The following HPS5 variants were observed in gnomAD, a reference collection of about 807,000 sequenced individuals.
The protein encoded by HPS5 is HPS5 biogenesis of lysosomal organelles complex 2 subunit 2.
Under a neutral mutation model 128.0 loss-of-function variants are expected in HPS5, and 83 were observed. The ratio of observed to expected loss-of-function variants is 0.65; its 90% CI spans 0.54 to 0.78. HPS5 has a LOEUF of 0.78. Ranked by LOEUF, HPS5 falls within the 30% of genes least tolerant of loss-of-function variation. The pLI is 0.00. For missense variants in HPS5, 1,281 were observed against 1,326.2 expected, an observed-to-expected ratio of 0.97 and a Z score of 0.53; for synonymous variants, 475 against 470.2, an observed-to-expected ratio of 1.01 and a Z score of -0.13.
chr11:18,311,535 G>C, intron 3 of HPS5, 84 bp from the exon 4 acceptor site: 1 of 588,272 alleles, frequency 1.7e-6, no homozygotes, highest in Non-Finnish European at 2.5e-6. Context: ...TTTTGAGACT[G>C]AGTCTCGCTC....
intron 21 of HPS5, among the ~76,000 whole-genome samples, chr11:18,282,587 C>T (rs73430841): frequency 0.019 from 2,915 of 152,058 alleles, 106 homozygotes; most frequent in African/African-American, 0.067. Context: ...ATTCTTTCAA[C>T]CACTCAGTAA....
At position 18,296,832 on chromosome 11, in the gene HPS5, C is replaced by T. The variant is rs114305629; in HGVS notation, c.1476G>A (p.Leu492=). 4.8e-4 allele frequency: 774 copies of T among 1,614,126 alleles called. 3 individuals are homozygous for T. In the African/African-American group the frequency reaches 9.2e-3, roughly 19 times the overall value. ...KEFTSQQEED[L]PDQCCGSHGN... ...CGTGTGAGCCACAACACTGATCTGG[C>T]AGGTCCTCTTCCTGCTGTGAGGTGA... The change falls in exon 12 of 23, where the codon CTG becomes CTA. Residue 492 remains leucine, a synonymous_variant. Transcript: ENST00000349215.
At chr11:18,296,202 T>C (rs1296108679) in intron 12 of HPS5, 80 bp from the exon 13 acceptor site, 5 of 1,437,544 alleles carry the variant, frequency 3.5e-6, no homozygotes, top group Non-Finnish European at 4.8e-6. Flanking sequence ...AATTCTGAAA[T>C]GAATAAACCG....
chr11:18,311,477 T>C (rs1463164929), intron 3 of HPS5, 26 bp from the exon 4 acceptor site: 2 of 1,423,856 alleles, frequency 1.4e-6, no homozygotes, highest in Non-Finnish European at 9.7e-7. Context: ...AAATACATTT[T>C]TTAAATCTCA....
intron 22 of HPS5, among the ~76,000 whole-genome samples, chr11:18,281,342 C>T (rs1017033704): frequency 3.3e-5 from 5 of 151,756 alleles, no homozygotes; most frequent in African/African-American, 1.2e-4. Context: ...TATCCACCTG[C>T]CTCAGCCTCC....
chr11:18,297,633 G>A lies in HPS5; in HGVS notation c.1249C>T (p.Leu417=), dbSNP rs7128017. The change falls in exon 11 of 23, where the codon CTG becomes TTG. Residue 417 remains leucine, a synonymous_variant. Transcript: ENST00000349215. The part of the protein sequence containing the change: ...HGTYNDLISQ[L]EELILKFEPL... ...TCAAATTTTAAGATCAATTCTTCCA[G>A]TTGAGAAATTAGATCATTGTAGGTG... 1.2e-6 allele frequency: 2 copies of A among 1,613,622 alleles called. No individual in the cohort carries two copies. Among genetic ancestry groups the A allele is most frequent in the South Asian group, 2.2e-5 (2 of 91,082 alleles).
At chr11:18,294,480 C>G (rs1478594435) in intron 14 of HPS5, among the ~76,000 whole-genome samples, 1 of 152,070 alleles carries the variant, frequency 6.6e-6, no homozygotes, top group East Asian at 1.9e-4. Flanking sequence ...GGTCTAGATC[C>G]TTGGTCATCC....
chr11:18,286,847 A>G (rs1052182124), intron 18 of HPS5, 137 bp from the exon 19 acceptor site: 2 of 1,128,846 alleles, frequency 1.8e-6, no homozygotes, highest in Non-Finnish European at 2.6e-6. Context: ...CTGCTACAAA[A>G]TGTCTAGAAA....
At chr11:18,282,431 CTT>C (rs200407814) in intron 21 of HPS5, among the ~76,000 whole-genome samples, 2 of 145,496 alleles carry the variant, frequency 1.4e-5, no homozygotes, top group East Asian at 2.0e-4. Context: ...TAATTTTTTT[CTT>C]TTTTTTTTTT....
intron 6 of HPS5, among the ~76,000 whole-genome samples, chr11:18,307,922 C>T (rs1406963732): frequency 6.6e-6 from 1 of 152,158 alleles, no homozygotes; most frequent in Non-Finnish European, 1.5e-5. Flanking sequence ...ATACTGTCAT[C>T]CAACTTTAGT....
intron 2 of HPS5, chr11:18,314,471 G>T (rs1179629370): frequency 1.3e-5 from 2 of 152,266 alleles, no homozygotes; most frequent in Non-Finnish European, 2.9e-5. Flanking sequence ...AGAGTTTGCA[G>T]AGAGCTGAGA....
At chr11:18,296,326 T>TCA (rs1244506320) in intron 12 of HPS5, 1 of 586,824 alleles carries the variant, frequency 1.7e-6, no homozygotes, top group African/African-American at 1.9e-5. Context: ...GCAGGTACCT[T>TCA]CATTTGCCTA....
intron 1 of HPS5, among the ~76,000 whole-genome samples, chr11:18,319,350 GA>G (rs951487641): frequency 2.6e-5 from 4 of 151,092 alleles, no homozygotes; most frequent in Admixed American, 6.6e-5. Context: ...AGGACAGAGG[GA>G]TCACATTGAA....
At chr11:18,280,026 G>T in intron 22 of HPS5, 84 bp from the exon 23 acceptor site, 2 of 1,397,752 alleles carry the variant, frequency 1.4e-6, no homozygotes, top group Non-Finnish European at 2.0e-6. Flanking sequence ...CAGAGTTTCA[G>T]AGGATTCAAA....
chr11:18,313,467 CA>C (rs1273628221), intron 2 of HPS5, among the ~76,000 whole-genome samples: 1 of 152,176 alleles, frequency 6.6e-6, no homozygotes, highest in African/African-American at 2.4e-5. Flanking sequence ...TTTTGCTAAA[CA>C]ACTCAGAATC....
chr11:18,297,725 A>G lies in HPS5; in HGVS notation c.1165-8T>C. Reference sequence around the variant, plus strand: ...AGTCAAAGTTTTTCTTGCCTAATAAAACAACAGCGCAATGGAATAGCTATT... The same window carrying G: ...AGTCAAAGTTTTTCTTGCCTAATAAGACAACAGCGCAATGGAATAGCTATT... On this transcript the variant is annotated splice_polypyrimidine_tract_variant and splice_region_variant and intron_variant, in intron 10 of 22. Coordinates refer to ENST00000349215, the MANE Select transcript of HPS5 (RefSeq NM_181507.2). The G allele has an allele frequency of 6.2e-7, 1 of 1,612,870 alleles. No individual in the cohort carries two copies.
At chr11:18,307,611 G>A (rs1269069801) in intron 6 of HPS5, among the ~76,000 whole-genome samples, 2 of 151,488 alleles carry the variant, frequency 1.3e-5, no homozygotes, top group South Asian at 2.1e-4. Flanking sequence ...CAAACAATAC[G>A]TCACAGGCAC....
chr11:18,315,903 T>C (rs1395751200), intron 2 of HPS5, among the ~76,000 whole-genome samples: 1 of 152,170 alleles, frequency 6.6e-6, no homozygotes, highest in Non-Finnish European at 1.5e-5. Context: ...TTCTCCATAA[T>C]GATTTATTGC....
At chr11:18,296,211 C>T (rs1359537958) in intron 12 of HPS5, 89 bp from the exon 13 acceptor site, 5 of 1,376,358 alleles carry the variant, frequency 3.6e-6, no homozygotes, top group African/African-American at 2.9e-5. Context: ...ATGAATAAAC[C>T]GAAAGAAATG....
Sources: allele counts gnomAD v4.1 joint callset (sites outside exome capture counted in the v4.1 genomes callset), GRCh38; gene constraint gnomAD v4.1.1; transcripts MANE v1.5; gene names NCBI Gene and HGNC (gene_info 2026-07-23, HGNC 2026-07-21).